The following BACH2 variants were observed in gnomAD, a reference collection of about 807,000 sequenced individuals.
BACH2 encodes the protein BACH transcriptional regulator 2, also known as transcription regulator protein BACH2.
Under a neutral mutation model 61.8 loss-of-function variants are expected in BACH2, and 5 were observed. That is an observed-to-expected ratio of 0.08 (90% CI 0.04 to 0.17). The LOEUF is 0.17. BACH2 is among the 10% of genes least tolerant of loss of function. The pLI is 1.00. For missense variants in BACH2, 824 were observed against 1,091.1 expected (o/e 0.76, Z 3.45); for synonymous variants, 446 against 440.1 (o/e 1.01, Z -0.17).
intron 5 of BACH2, among the ~76,000 whole-genome samples, chr6:90,087,194 G>C (rs974793216): frequency 1.3e-5 from 2 of 152,114 alleles, no homozygotes; most frequent in Admixed American, 1.3e-4. Flanking sequence ...TTTATTAACA[G>C]TGATTATTCT....
At chr6:90,044,808 G>T (rs1301187903) in intron 5 of BACH2, among the ~76,000 whole-genome samples, 1 of 152,174 alleles carries the variant, frequency 6.6e-6, no homozygotes, top group South Asian at 2.1e-4. Context: ...ATGAATGGGG[G>T]TGTCATTTAT....
At chr6:90,045,800 T>A (rs1779749579) in intron 5 of BACH2, among the ~76,000 whole-genome samples, 1 of 152,194 alleles carries the variant, frequency 6.6e-6, no homozygotes, top group South Asian at 2.1e-4. Flanking sequence ...TTTCTAAAAT[T>A]AATATTTCTT....
intron 6 of BACH2, among the ~76,000 whole-genome samples, chr6:89,988,309 A>G (rs1372312054): frequency 6.6e-6 from 1 of 152,212 alleles, no homozygotes; most frequent in Non-Finnish European, 1.5e-5. Flanking sequence ...CTGAAAAATA[A>G]GCTTTTTCTA....
chr6:89,959,708 A>G (rs949499626), intron 6 of BACH2, among the ~76,000 whole-genome samples: 2 of 152,192 alleles, frequency 1.3e-5, no homozygotes, highest in African/African-American at 4.8e-5. Context: ...TTTGACTTCT[A>G]TTATTTGACT....
At chr6:90,098,832 G>A (rs551423272) in intron 4 of BACH2, among the ~76,000 whole-genome samples, 6 of 152,200 alleles carry the variant, frequency 3.9e-5, no homozygotes, top group Admixed American at 1.3e-4. Context: ...ACACCCCTAC[G>A]TGGCTTCTGG....
At chr6:90,178,763 CT>C (rs1466576342) in intron 4 of BACH2, among the ~76,000 whole-genome samples, 1 of 152,130 alleles carries the variant, frequency 6.6e-6, no homozygotes, top group African/African-American at 2.4e-5. Flanking sequence ...TCAATACTTG[CT>C]TTGGGCACAA....
chr6:90,182,048 C>T (rs1011747721), intron 4 of BACH2, among the ~76,000 whole-genome samples: 1 of 152,136 alleles, frequency 6.6e-6, no homozygotes, highest in Non-Finnish European at 1.5e-5. Flanking sequence ...TTCAAAACAA[C>T]CAATCGTCCT....
chr6:89,993,089 C>T (rs934563744), intron 6 of BACH2, among the ~76,000 whole-genome samples: 1 of 152,134 alleles, frequency 6.6e-6, no homozygotes, highest in Non-Finnish European at 1.5e-5. Flanking sequence ...CAAAGAGAGG[C>T]CTCTAACAGA....
At chr6:90,214,372 G>C (rs1769457750) in intron 3 of BACH2, among the ~76,000 whole-genome samples, 1 of 152,034 alleles carries the variant, frequency 6.6e-6, no homozygotes, top group Non-Finnish European at 1.5e-5. Flanking sequence ...GGAGGGGGTT[G>C]CTGTACAATT....
At chr6:90,209,260 A>G (rs1302219223) in intron 3 of BACH2, among the ~76,000 whole-genome samples, 1 of 119,354 alleles carries the variant, frequency 8.4e-6, no homozygotes. Context: ...ATAATGTACA[A>G]CACAGATCTT....
intron 5 of BACH2, among the ~76,000 whole-genome samples, chr6:90,015,386 T>C (rs1262630556): frequency 6.6e-6 from 1 of 152,180 alleles, no homozygotes; most frequent in Non-Finnish European, 1.5e-5. Flanking sequence ...TAATCTGAGA[T>C]CTTTTTTGTC....
At chr6:90,082,306 T>C (rs924711266) in intron 5 of BACH2, among the ~76,000 whole-genome samples, 2 of 152,168 alleles carry the variant, frequency 1.3e-5, no homozygotes, top group African/African-American at 4.8e-5. Flanking sequence ...ACTAGGATCT[T>C]ACAGGGCCAC....
chr6:90,294,976 T>C (rs1772293587), intron 1 of BACH2, among the ~76,000 whole-genome samples: 2 of 152,394 alleles, frequency 1.3e-5, no homozygotes, highest in African/African-American at 2.4e-5. Context: ...AAAGGATTTT[T>C]ATCTAAAGTA....
chr6:90,269,798 A>C (rs185496313), intron 2 of BACH2, among the ~76,000 whole-genome samples: 1 of 152,318 alleles, frequency 6.6e-6, no homozygotes, highest in East Asian at 1.9e-4. Context: ...GAATAAGCTG[A>C]TGGCCCCGGT....
intron 6 of BACH2, among the ~76,000 whole-genome samples, chr6:89,959,664 C>T (rs1322201227): frequency 4.6e-5 from 7 of 152,162 alleles, no homozygotes; most frequent in East Asian, 1.9e-4. Flanking sequence ...CAAACATAAC[C>T]GGAAAACTGA....
chr6:90,033,564 T>C (rs12110476), intron 5 of BACH2, among the ~76,000 whole-genome samples: 7,857 of 152,108 alleles, frequency 0.052, 649 homozygotes, highest in African/African-American at 0.18. Flanking sequence ...TGGAGGTGCA[T>C]TTATATAGGA....
chr6:90,155,676 A>T (rs77211859), intron 4 of BACH2, among the ~76,000 whole-genome samples: 5,432 of 152,274 alleles, frequency 0.036, 124 homozygotes, highest in South Asian at 0.097. Context: ...TCCTATCCCC[A>T]AATTGGCCCT....
Position 89,988,707 on chromosome 6 carries a change from T to C in BACH2, c.243+19895A>G, listed in dbSNP as rs186021037. Among the ~76,000 whole-genome samples, 153 of 152,302 alleles carry C rather than the reference T, an allele frequency of 1.0e-3. 1 individual carries two copies. Among genetic ancestry groups the C allele is most frequent in the Middle Eastern group, 6.8e-3 (2 of 294 alleles). ...GGCTGCAAGTACTGGCATTTACTCA[T>C]GGTCGATATCCAATACATATCTATT... On this transcript the variant is annotated intron_variant, in intron 6 of 8. Transcript: ENST00000257749.
At chr6:90,025,473 T>C (rs1341781125) in intron 5 of BACH2, among the ~76,000 whole-genome samples, 1 of 152,200 alleles carries the variant, frequency 6.6e-6, no homozygotes, top group Non-Finnish European at 1.5e-5. Flanking sequence ...TCTCATACAT[T>C]AATCTCTGCT....
Sources: gnomAD v4.1 joint callset for allele counts (sites outside exome capture counted in the v4.1 genomes callset) on GRCh38, gnomAD v4.1.1 for gene constraint, MANE v1.5 for transcripts, NCBI Gene and HGNC (gene_info 2026-07-23, HGNC 2026-07-21) for gene names.